The following ARID3C variants were observed in gnomAD, a reference collection of about 807,000 sequenced individuals.
ARID3C encodes the protein AT-rich interaction domain 3C, also known as AT-rich interactive domain-containing protein 3C.
In ARID3C, 42 loss-of-function variants were observed where a neutral mutation model predicts 37.9. That is an observed-to-expected ratio of 1.11 (90% CI 0.87 to 1.43). The LOEUF is 1.43. ARID3C is among the 40% of genes most tolerant of loss of function. The pLI is 0.00. For missense variants in ARID3C, 581 were observed against 548.8 expected (o/e 1.06, Z -0.59); for synonymous variants, 213 against 228.0 (o/e 0.93, Z 0.59).
At chr9:34,621,879 T>G (rs1820568735) in intron 6 of ARID3C, 141 bp downstream of exon 7, 1 of 857,768 alleles carries the variant, frequency 1.2e-6, no homozygotes, top group Non-Finnish European at 1.9e-6. Flanking sequence ...CATGCCAGTC[T>G]AGCAATCCCC....
exon 1 of ARID3C, chr9:34,627,814 C>T (rs1820677219): frequency 1.9e-6 from 3 of 1,613,624 alleles, no homozygotes; most frequent in Non-Finnish European, 2.5e-6. Flanking sequence ...CCTCCTCTGC[C>T]CCGGCTTCCT....
upstream of ARID3C, among the ~76,000 whole-genome samples, chr9:34,630,095 G>A (rs1299353332): frequency 2.0e-5 from 3 of 152,136 alleles, no homozygotes; most frequent in South Asian, 2.1e-4. Context: ...ATAGACAAGT[G>A]AATAGTATAA....
At chr9:34,629,749 C>A (rs1331540756), upstream of ARID3C, among the ~76,000 whole-genome samples, 1 of 152,024 alleles carries the variant, frequency 6.6e-6, no homozygotes, top group Non-Finnish European at 1.5e-5. Context: ...TTTTCTTTTT[C>A]TTTCTTTTCT....
At chr9:34,630,740 A>G (rs1820715624), upstream of ARID3C, among the ~76,000 whole-genome samples, 1 of 152,078 alleles carries the variant, frequency 6.6e-6, no homozygotes, top group Non-Finnish European at 1.5e-5. Context: ...CTACTGCAGC[A>G]CTAAGTCCTG....
exon 3 of ARID3C, chr9:34,623,921 G>C: frequency 1.3e-6 from 2 of 1,599,194 alleles, no homozygotes; most frequent in Non-Finnish European, 1.7e-6. Flanking sequence ...GAGGCCGCGC[G>C]TGACTTCCCG....
At chr9:34,623,004 G>A (rs1001197437) in intron 4 of ARID3C, among the ~76,000 whole-genome samples, 1 of 151,792 alleles carries the variant, frequency 6.6e-6, no homozygotes, top group South Asian at 2.1e-4. Flanking sequence ...AAATTAGCCG[G>A]GCATGGTGGC....
chr9:34,631,428 C>T (rs368103547), upstream of ARID3C, among the ~76,000 whole-genome samples: 9 of 152,196 alleles, frequency 5.9e-5, no homozygotes, highest in East Asian at 5.8e-4. Flanking sequence ...CTCTCATACC[C>T]GCAGTCTGGT....
At chr9:34,623,651 G>T in exon 4 of ARID3C, 2 of 1,597,728 alleles carry the variant, frequency 1.3e-6, no homozygotes, top group East Asian at 2.3e-5. Context: ...TGGCGGCCTG[G>T]AGCTCCCCTG....
rs1274757642 is a variant in ARID3C at position 34,622,896 on chromosome 9, C to T, written c.866-367G>A. 2.0e-5 allele frequency among the ~76,000 whole-genome samples: 3 copies of T among 151,996 alleles called. No homozygotes were observed. The East Asian group carries it at 5.8e-4, about 29-fold the overall frequency. On this transcript the variant is annotated intron_variant, in intron 4 of 6. Transcript: ENST00000378909. ...GGGCGCGGTGACTCAGCCTGTAATC[C>T]CAACACTTTGGGAAGCGGAGGAGGG...
intron 5 of ARID3C, 90 bp from the exon 7 acceptor site, chr9:34,622,199 C>T (rs1820578638): frequency 6.3e-7 from 1 of 1,576,090 alleles, no homozygotes; most frequent in African/African-American, 1.4e-5. Flanking sequence ...CCGTAGACAG[C>T]CCCCATTCCA....
At position 34,623,615 on chromosome 9, in the gene ARID3C, A is replaced by AC; in HGVS notation, c.674dup (p.Arg226SerfsTer62). The AC allele has an allele frequency of 6.2e-7, 1 of 1,607,280 alleles. No individual in the cohort carries two copies. The highest frequency in any genetic ancestry group is 8.5e-7 in the Non-Finnish European group (1 of 1,177,476). ...GCGGAGTAGCGGTGTAAGCCTGGCG[A>AC]CGGCCCTCGCGCCGATTGCTGTCTA... On this transcript the variant is annotated frameshift_variant, in exon 4 of 7. Coordinates refer to ENST00000378909, the Ensembl canonical transcript of ARID3C. LOFTEE classifies it high-confidence loss of function.
chr9:34,628,666 G>A (rs1337103425), upstream of ARID3C, among the ~76,000 whole-genome samples: 2 of 152,150 alleles, frequency 1.3e-5, no homozygotes, highest in East Asian at 1.9e-4. This position sits in a 1 kb window ranked among gnomAD's most constrained non-coding sequence, Gnocchi z 5.2. Context: ...TTGAGATATA[G>A]GGAAAGACCA....
intron 4 of ARID3C, 61 bp downstream of exon 5, chr9:34,623,364 A>C: frequency 1.4e-6 from 2 of 1,443,662 alleles, no homozygotes; most frequent in Non-Finnish European, 1.8e-6. Context: ...AATGGTTGCT[A>C]TATCTTAGCG....
chr9:34,628,186 A>T (rs1820685668), upstream of ARID3C: 1 of 866,976 alleles, frequency 1.2e-6, no homozygotes, highest in South Asian at 2.3e-5. This position sits in a 1 kb window ranked among gnomAD's most constrained non-coding sequence, Gnocchi z 5.2. Context: ...AGGGGTCACA[A>T]GGAAAGAGGC....
At position 34,623,696 on chromosome 9, in the gene ARID3C, G is replaced by A. The variant is rs754225762; in HGVS notation, c.594C>T (p.Tyr198=). The change falls in exon 4 of 7, where the codon TAC becomes TAT. Residue 198 remains tyrosine (Y), a synonymous_variant. Coordinates refer to ENST00000378909, the Ensembl canonical transcript of ARID3C. ...GCGCTCGAGTCTCGCACTCGTACGGGTACAGGTACTTCATGTACCTAGGGG... is the reference window on the plus strand; with the variant it reads ...GCGCTCGAGTCTCGCACTCGTACGGATACAGGTACTTCATGTACCTAGGGG... 57 of 1,559,146 alleles carry A rather than the reference G, an allele frequency of 3.7e-5. 1 individual carries two copies. The Middle Eastern group carries it at 1.5e-3, about 42-fold the overall frequency.
chr9:34,621,851 T>C (rs1018641710), intron 6 of ARID3C, among the ~76,000 whole-genome samples, 169 bp downstream of exon 7: 3 of 152,126 alleles, frequency 2.0e-5, no homozygotes, highest in African/African-American at 4.8e-5. Context: ...CCATGCCATG[T>C]AGACACCCCC....
At chr9:34,624,220 G>GGC (rs1820624470) in intron 2 of ARID3C, among the ~76,000 whole-genome samples, 173 bp from the exon 4 acceptor site, 1 of 71,250 alleles carries the variant, frequency 1.4e-5, no homozygotes. Context: ...AGGCTAGAAC[G>GGC]GGGGGGGGCA....
At chr9:34,628,664 T>A (rs1287153936), upstream of ARID3C, among the ~76,000 whole-genome samples, 1 of 151,178 alleles carries the variant, frequency 6.6e-6, no homozygotes, top group Non-Finnish European at 1.5e-5. This position sits in a 1 kb window ranked among gnomAD's most constrained non-coding sequence, Gnocchi z 5.2. Context: ...GGTTGAGATA[T>A]AGGGAAAGAC....
chr9:34,628,037 C>T lies in ARID3C; in HGVS notation c.-23G>A, dbSNP rs766183127. 6.9e-7 allele frequency: 1 copy of T among 1,458,352 alleles called. No homozygotes were observed. Among genetic ancestry groups the T allele is most frequent in the Non-Finnish European group, 9.0e-7 (1 of 1,105,320 alleles). 90.3% of individuals were successfully genotyped at this position (1,458,352 alleles called of 1,614,324 possible). A position where few individuals can be genotyped will look rare whatever the true frequency, so the allele number is the denominator to read the frequency against. On this transcript the variant is annotated 5_prime_UTR_variant, in exon 1 of 7. Transcript: ENST00000378909. This position sits in a 1 kb window ranked among gnomAD's most constrained non-coding sequence, Gnocchi z 5.2. The stretch of plus-strand genomic sequence containing the variant: ...CATGACAGCTTCCAGGCGCAGTCCC[C>T]CAGCTGAGGGGGTCCCTGGTACCAG...
Sources: gnomAD v4.1 joint callset for allele counts (sites outside exome capture counted in the v4.1 genomes callset) on GRCh38, gnomAD v4.1.1 for gene constraint, Gnocchi (gnomAD v3.1) non-coding constraint, MANE v1.5 for transcripts, NCBI Gene and HGNC (gene_info 2026-07-23, HGNC 2026-07-21) for gene names.